Variants in PRR11 observed in about 807,000 individuals in gnomAD.
The protein encoded by PRR11 is proline rich 11.
A neutral mutation model predicts 45.6 loss-of-function variants in PRR11; 30 were observed. The ratio of observed to expected loss-of-function variants is 0.66; its 90% CI spans 0.49 to 0.89. The LOEUF (loss-of-function observed/expected upper bound fraction) is 0.89. Among genes scored for constraint, PRR11 ranks in the 40% least tolerant of loss-of-function variants. The pLI, the probability that PRR11 is intolerant of heterozygous loss-of-function variation, is 0.00. For synonymous variants in PRR11, 128 were observed against 153.5 expected (o/e 0.83, Z 1.23); for missense variants, 373 against 424.8 (o/e 0.88, Z 1.07).
At chr17:59,180,066 C>G (rs1407847022) in intron 2 of PRR11, among the ~76,000 whole-genome samples, 1 of 151,768 alleles carries the variant, frequency 6.6e-6, no homozygotes, top group Non-Finnish European at 1.5e-5. Flanking sequence ...ATTCTTCCAT[C>G]TCTCTGTCCT....
intron 2 of PRR11, among the ~76,000 whole-genome samples, chr17:59,184,583 T>C (rs1470928165): frequency 2.0e-5 from 3 of 152,172 alleles, no homozygotes; most frequent in Non-Finnish European, 4.4e-5. Flanking sequence ...CAGATCCCAT[T>C]GCTATGGAAG....
intron 2 of PRR11, among the ~76,000 whole-genome samples, chr17:59,174,093 C>T (rs2046728453): frequency 6.6e-6 from 1 of 152,172 alleles, no homozygotes; most frequent in African/African-American, 2.4e-5. Context: ...GTGAAACTCA[C>T]AGTTTGGTAA....
chr17:59,179,109 C>T (rs1293123899), intron 2 of PRR11, among the ~76,000 whole-genome samples: 1 of 152,152 alleles, frequency 6.6e-6, no homozygotes, highest in East Asian at 1.9e-4. Context: ...AAGCGATTCT[C>T]CTGTCTCAGT....
intron 4 of PRR11, among the ~76,000 whole-genome samples, 163 bp from the exon 5 acceptor site, chr17:59,193,329 G>T (rs1288988747): frequency 6.6e-6 from 1 of 152,096 alleles, no homozygotes; most frequent in Non-Finnish European, 1.5e-5. Context: ...ATAAACTAAT[G>T]AATGAAATGA....
At position 59,201,946 on chromosome 17, in the gene PRR11, G is replaced by A. The variant is rs922022322; in HGVS notation, c.*315G>A. The A allele has an allele frequency of 2.3e-5, 6 of 258,196 alleles. No individual in the cohort carries two copies. The highest frequency in any genetic ancestry group is 4.5e-5 in the Non-Finnish European group (6 of 132,034). 16.0% of individuals were successfully genotyped at this position (258,196 alleles called of 1,614,324 possible). The stretch of plus-strand genomic sequence containing the variant: ...AGATCGCGTCATTGCACTCCAGCCT[G>A]AGCAACAAGAGCAAAACAAAAACAA... On this transcript the variant is annotated 3_prime_UTR_variant, in exon 10 of 10. Coordinates refer to ENST00000262293, the MANE Select transcript of PRR11 (RefSeq NM_018304.4).
At chr17:59,165,790 C>A (rs112560521) in intron 1 of PRR11, among the ~76,000 whole-genome samples, 2 of 146,086 alleles carry the variant, frequency 1.4e-5, no homozygotes, top group African/African-American at 5.1e-5. Context: ...AAAACTCTGT[C>A]TCAAAAAAAA....
chr17:59,191,824 G>C (rs928348526), intron 4 of PRR11, among the ~76,000 whole-genome samples: 8 of 152,108 alleles, frequency 5.3e-5, no homozygotes, highest in Non-Finnish European at 8.8e-5. Flanking sequence ...TCATTGGTCT[G>C]GAGAGAAGCT....
intron 7 of PRR11, among the ~76,000 whole-genome samples, chr17:59,195,828 C>T (rs2046863215): frequency 6.6e-6 from 1 of 151,904 alleles, no homozygotes; most frequent in Non-Finnish European, 1.5e-5. Context: ...TCTGTAATCC[C>T]ACCACTTTGG....
chr17:59,193,357 A>C (rs1480097024), intron 4 of PRR11, 135 bp from the exon 5 acceptor site: 11 of 1,117,986 alleles, frequency 9.8e-6, no homozygotes, highest in Admixed American at 2.6e-5. Flanking sequence ...TATGATTATA[A>C]ATGAGAAAAT....
At chr17:59,180,513 T>G (rs1433643994) in intron 2 of PRR11, among the ~76,000 whole-genome samples, 3 of 131,534 alleles carry the variant, frequency 2.3e-5, no homozygotes, top group Non-Finnish European at 5.0e-5. Flanking sequence ...TTTTTTTGTT[T>G]TTTTTGTTTT....
At chr17:59,183,414 C>T (rs2046798612) in intron 2 of PRR11, among the ~76,000 whole-genome samples, 1 of 152,194 alleles carries the variant, frequency 6.6e-6, no homozygotes, top group African/African-American at 2.4e-5. Flanking sequence ...TTATCATATA[C>T]AAGAGATCCC....
At chr17:59,185,818 A>G (rs1402520517) in intron 4 of PRR11, among the ~76,000 whole-genome samples, 1 of 152,236 alleles carries the variant, frequency 6.6e-6, no homozygotes, top group Non-Finnish European at 1.5e-5. Context: ...GTTCTTCAGC[A>G]TACCAATGCT....
At chr17:59,173,813 T>C (rs1186595102) in intron 2 of PRR11, among the ~76,000 whole-genome samples, 1 of 152,322 alleles carries the variant, frequency 6.6e-6, no homozygotes, top group African/African-American at 2.4e-5. Flanking sequence ...CAGGTTCTTC[T>C]AGATGATCTG....
intron 2 of PRR11, among the ~76,000 whole-genome samples, chr17:59,176,630 C>A (rs2147842619): frequency 7.0e-6 from 1 of 142,246 alleles, no homozygotes; most frequent in East Asian, 2.1e-4. Flanking sequence ...GTTTATGGTT[C>A]CTTTTGTTTT....
chr17:59,172,060 C>T lies in PRR11; in HGVS notation c.128+2180C>T, dbSNP rs183799383. ...ATTTGAAATAAACCTATTAATAATT[C>T]GATGGCCAACATTTTCCAAACAAAC... On this transcript the variant is annotated intron_variant, in intron 2 of 9. Transcript: ENST00000262293. Among the ~76,000 whole-genome samples the T allele has an allele frequency of 1.9e-3, 296 of 152,184 alleles. 2 individuals carry two copies. Among genetic ancestry groups the T allele is most frequent in the African/African-American group, 6.8e-3 (284 of 41,528 alleles).
In PRR11 at chr17:59,195,817, G is replaced by A. The variant is rs1042453401; in HGVS notation, c.857+374G>A. 2.6e-5 allele frequency among the ~76,000 whole-genome samples: 4 copies of A among 152,158 alleles called. No individual in the cohort carries two copies. The South Asian group carries it at 8.3e-4, about 32-fold the overall frequency. ...TTTTAGGCTGGGAGTGGTGGGTTAT[G>A]TCTGTAATCCCACCACTTTGGGAAG... is the stretch of plus-strand genomic sequence containing the variant. On this transcript the variant is annotated intron_variant, in intron 7 of 9. Transcript: ENST00000262293.
rs754554481 is a variant in PRR11, at chr17:59,169,727, T to C, written c.-5-21T>C. On this transcript the variant is annotated intron_variant, in intron 1 of 9. Transcript: ENST00000262293. ...GTATATATTATTCTTCAATTAAAAA[T>C]GTAAAAAAATTTCTCTGCAGAAATC... 101 of 1,557,474 alleles carry C rather than the reference T, an allele frequency of 6.5e-5. 1 individual carries two copies. The Middle Eastern group carries it at 1.6e-3, about 24-fold the overall frequency.
intron 2 of PRR11, among the ~76,000 whole-genome samples, chr17:59,174,202 C>T (rs1233202999): frequency 2.0e-5 from 3 of 152,186 alleles, no homozygotes; most frequent in Non-Finnish European, 4.4e-5. Flanking sequence ...GTAGGGCACC[C>T]TCAAAGAATG....
intron 2 of PRR11, among the ~76,000 whole-genome samples, chr17:59,177,569 G>T: frequency 1.3e-5 from 2 of 152,260 alleles, no homozygotes; most frequent in Middle Eastern, 6.8e-3. Flanking sequence ...CTGTCCCAAA[G>T]AACTGAGAGT....
Sources: gnomAD v4.1 joint callset for allele counts (sites outside exome capture counted in the v4.1 genomes callset) on GRCh38, gnomAD v4.1.1 for gene constraint, MANE v1.5 for transcripts, NCBI Gene and HGNC (gene_info 2026-07-23, HGNC 2026-07-21) for gene names.